SCAI: variants seen among roughly 807,000 people sequenced by gnomAD.
SCAI encodes suppressor of cancer cell invasion.
SCAI carries 24 observed loss-of-function variants against 92.2 expected under a neutral mutation model. That is an observed-to-expected ratio of 0.26 (90% confidence interval 0.19 to 0.37). The LOEUF (loss-of-function observed/expected upper bound fraction) is 0.37, where lower values mean the gene tolerates loss of function less well. Ranked by LOEUF, SCAI falls within the 10% of genes least tolerant of loss-of-function variation. The pLI is 1.00. For missense variants in SCAI, 450 were observed against 736.2 expected, an observed-to-expected ratio of 0.61 and a Z score of 4.50; for synonymous variants, 261 against 258.6, an observed-to-expected ratio of 1.01 and a Z score of -0.09.
At chr9:124,970,011 G>C (rs1029853998) in intron 17 of SCAI, among the ~76,000 whole-genome samples, 6 of 152,020 alleles carry the variant, frequency 3.9e-5, no homozygotes, top group Non-Finnish European at 8.8e-5. Flanking sequence ...ATGCCACCAT[G>C]TCTGGCTAAT....
At chr9:125,086,022 T>C (rs1834318997) in intron 2 of SCAI, among the ~76,000 whole-genome samples, 1 of 152,200 alleles carries the variant, frequency 6.6e-6, no homozygotes, top group Non-Finnish European at 1.5e-5. Context: ...AATTTAAAAG[T>C]TATTAAACTG....
At chr9:125,120,114 G>A (rs1370963335) in intron 2 of SCAI, among the ~76,000 whole-genome samples, 1 of 152,204 alleles carries the variant, frequency 6.6e-6, no homozygotes, top group Non-Finnish European at 1.5e-5. Context: ...CTAGATGGGA[G>A]GAGTGTGAAG....
chr9:125,142,504 G>C, intron 2 of SCAI, 129 bp downstream of exon 2: 1 of 692,764 alleles, frequency 1.4e-6, no homozygotes. Context: ...CATGCATGTG[G>C]TTATATTCTT....
chr9:125,075,518 C>T (rs1425715616), intron 2 of SCAI, among the ~76,000 whole-genome samples: 2 of 151,780 alleles, frequency 1.3e-5, no homozygotes, highest in African/African-American at 2.4e-5. Flanking sequence ...CTGCCTCAGG[C>T]TCCCAAGTAG....
At chr9:124,995,247 A>G (rs1832216178) in intron 13 of SCAI, among the ~76,000 whole-genome samples, 1 of 152,180 alleles carries the variant, frequency 6.6e-6, no homozygotes, top group African/African-American at 2.4e-5. Flanking sequence ...TATCTAAGCT[A>G]AAGTGAAGTC....
At chr9:125,122,915 AT>A (rs1278559925) in intron 2 of SCAI, among the ~76,000 whole-genome samples, 2 of 152,222 alleles carry the variant, frequency 1.3e-5, no homozygotes. Context: ...TCAAAAATAA[AT>A]AAATTAGTAA....
chr9:125,039,764 C>CT (rs1833282643), intron 3 of SCAI, among the ~76,000 whole-genome samples: 1 of 152,072 alleles, frequency 6.6e-6, no homozygotes, highest in African/African-American at 2.4e-5. Flanking sequence ...AAGACAAGCT[C>CT]TAATGTGCAT....
intron 2 of SCAI, among the ~76,000 whole-genome samples, chr9:125,090,087 G>A (rs145377465): frequency 6.6e-6 from 1 of 152,294 alleles, no homozygotes; most frequent in East Asian, 1.9e-4. Context: ...ATTTCTGTGT[G>A]TCTAGACTTG....
chr9:124,968,570 C>T lies in SCAI; in HGVS notation c.1674+2800G>A, dbSNP rs534869336. The T allele has an allele frequency of 4.8e-5, 42 of 874,062 alleles. No individual in the cohort carries two copies. The East Asian group carries it at 1.2e-3, about 25-fold the overall frequency. The allele number at this position is 874,062 out of a possible 1,614,324, so 54.1% of individuals were successfully genotyped here. On this transcript the variant is annotated intron_variant, in intron 17 of 17. Transcript: ENST00000336505. ...CAAAGGAAACATCATAGTCCTCAAA[C>T]GTGTATGGCTTGTCTGCAAGGTCTT... is the stretch of plus-strand genomic sequence containing the variant.
intron 14 of SCAI, 58 bp from the exon 15 acceptor site, chr9:124,976,244 A>G (rs1462308903): frequency 2.4e-6 from 3 of 1,225,580 alleles, no homozygotes; most frequent in Admixed American, 3.4e-5. Context: ...ATAGTTACTT[A>G]GTAATTTTCC....
rs1448797536 is a variant in SCAI at position 125,143,457 on chromosome 9, G to A, written c.-20C>T. 7.4e-7 allele frequency: 1 copy of A among 1,345,188 alleles called. No individual in the cohort carries two copies. Among genetic ancestry groups the A allele is most frequent in the South Asian group, 1.8e-5 (1 of 57,056 alleles). 83.3% of individuals were successfully genotyped at this position (1,345,188 alleles called of 1,614,324 possible). A position where few individuals can be genotyped will look rare whatever the true frequency, so the allele number is the denominator to read the frequency against. On this transcript the variant is annotated 5_prime_UTR_variant, in exon 1 of 18. Transcript: ENST00000336505. The stretch of plus-strand genomic sequence containing the variant: ...GACCATCCGGCTCCTGCTCCGCCGC[G>A]GGAGCTGCTCCGGCGGCCGCAGGGC...
chr9:125,046,464 A>G (rs777625399), intron 3 of SCAI, among the ~76,000 whole-genome samples: 18 of 148,694 alleles, frequency 1.2e-4, no homozygotes, highest in Admixed American at 2.7e-4. Flanking sequence ...ATGGAAAACC[A>G]AACATCATGT....
At chr9:125,028,222 T>C (rs1833000151) in intron 5 of SCAI, among the ~76,000 whole-genome samples, 170 bp downstream of exon 5, 1 of 152,208 alleles carries the variant, frequency 6.6e-6, no homozygotes. Flanking sequence ...ACTTTGACTA[T>C]GGAAGGTTAT....
At chr9:125,061,883 T>TA (rs1296649316) in intron 2 of SCAI, among the ~76,000 whole-genome samples, 2 of 151,336 alleles carry the variant, frequency 1.3e-5, no homozygotes, top group Non-Finnish European at 2.9e-5. Flanking sequence ...AAAAGAAACT[T>TA]AGAGATATAG....
intron 2 of SCAI, among the ~76,000 whole-genome samples, chr9:125,121,298 C>G (rs1835151715): frequency 6.8e-6 from 1 of 148,058 alleles, no homozygotes; most frequent in African/African-American, 2.5e-5. Context: ...ATACGAGATG[C>G]TGGAAAAAAG....
intron 3 of SCAI, among the ~76,000 whole-genome samples, chr9:125,043,915 C>T (rs768481617): frequency 2.0e-5 from 3 of 152,132 alleles, no homozygotes; most frequent in Non-Finnish European, 2.9e-5. Flanking sequence ...GGGAGCCCAG[C>T]GCTCCTGGGT....
chr9:125,040,448 A>C (rs1833296146), intron 3 of SCAI, among the ~76,000 whole-genome samples: 1 of 152,222 alleles, frequency 6.6e-6, no homozygotes, highest in African/African-American at 2.4e-5. Flanking sequence ...CATCAATGGG[A>C]TAAAACTACA....
At chr9:125,029,853 T>A (rs1427284073) in intron 3 of SCAI, 114 bp from the exon 4 acceptor site, 1 of 561,766 alleles carries the variant, frequency 1.8e-6, no homozygotes, top group Non-Finnish European at 2.9e-6. Context: ...AGGCTTTCTT[T>A]TTTAAAAAAG....
chr9:124,958,788 T>C (rs146506929), intron 17 of SCAI, among the ~76,000 whole-genome samples: 93 of 151,602 alleles, frequency 6.1e-4, no homozygotes, highest in African/African-American at 2.1e-3. Flanking sequence ...GCACCTGTAA[T>C]ACCAGCTACT....
Sources: allele counts gnomAD v4.1 joint callset (sites outside exome capture counted in the v4.1 genomes callset), GRCh38; gene constraint gnomAD v4.1.1; transcripts MANE v1.5; gene names NCBI Gene and HGNC (gene_info 2026-07-23, HGNC 2026-07-21).